Variants in THSD4 observed in about 807,000 individuals in gnomAD.
THSD4 encodes the protein thrombospondin type-1 domain-containing protein 4.
A neutral mutation model predicts 119.0 loss-of-function variants in THSD4; 69 were observed. That is an observed-to-expected ratio of 0.58 (90% CI 0.48 to 0.71). The LOEUF (loss-of-function observed/expected upper bound fraction) is 0.71, where lower values mean the gene tolerates loss of function less well. Ranked by LOEUF, THSD4 falls within the 30% of genes least tolerant of loss-of-function variation. THSD4 has a pLI of 0.00. For synonymous variants in THSD4, 524 were observed against 540.4 expected (o/e 0.97, Z 0.42); for missense variants, 1,393 against 1,391.1 (o/e 1.00, Z -0.02).
Position 71,671,740 on chromosome 15 carries a change from A to G in THSD4, c.1357+11006A>G, listed in dbSNP as rs912713217. ...TCCCAGCACCATTTATTAAATAGGGAATCCTTTCCCCACTTCTTGTTTTTG... is the reference window on the plus strand; with the variant it reads ...TCCCAGCACCATTTATTAAATAGGGGATCCTTTCCCCACTTCTTGTTTTTG... On this transcript the variant is annotated intron_variant, in intron 8 of 17. Coordinates refer to ENST00000261862, the MANE Select transcript of THSD4 (RefSeq NM_024817.3). 3.7e-4 allele frequency among the ~76,000 whole-genome samples: 56 copies of G among 152,334 alleles called. 1 individual carries two copies. Among genetic ancestry groups the G allele is most frequent in the Non-Finnish European group, 4.4e-5 (3 of 68,030 alleles).
intron 7 of THSD4, among the ~76,000 whole-genome samples, chr15:71,440,135 G>T (rs1211558040): frequency 6.6e-6 from 1 of 152,106 alleles, no homozygotes; most frequent in East Asian, 1.9e-4. Context: ...AAGGAAGGGA[G>T]ATCAGTGACA....
At chr15:71,730,966 C>A (rs1463256800) in intron 9 of THSD4, 155 bp from the exon 10 acceptor site, 3 of 642,538 alleles carry the variant, frequency 4.7e-6, no homozygotes, top group Non-Finnish European at 8.3e-6. Context: ...CCAGGAATAA[C>A]TTTGTTTAAT....
At chr15:71,491,811 G>A (rs1442179638) in intron 7 of THSD4, among the ~76,000 whole-genome samples, 1 of 152,190 alleles carries the variant, frequency 6.6e-6, no homozygotes, top group Non-Finnish European at 1.5e-5. Flanking sequence ...TGAGACTTCA[G>A]TGAGCTGTGA....
intron 7 of THSD4, among the ~76,000 whole-genome samples, chr15:71,618,983 C>CT (rs11439640): frequency 0.019 from 2,690 of 144,810 alleles, 81 homozygotes; most frequent in African/African-American, 0.063. Flanking sequence ...TTTTTTTTTT[C>CT]TTTTTTTTTG....
intron 3 of THSD4, among the ~76,000 whole-genome samples, chr15:71,210,447 C>G (rs1300711684): frequency 6.6e-6 from 1 of 152,144 alleles, no homozygotes; most frequent in East Asian, 1.9e-4. Context: ...CCCAGGGCAA[C>G]TGGCTAGTAT....
At chr15:71,313,703 A>G (rs2045144321) in intron 6 of THSD4, among the ~76,000 whole-genome samples, 1 of 152,084 alleles carries the variant, frequency 6.6e-6, no homozygotes, top group Non-Finnish European at 1.5e-5. Context: ...GAAGCATGTC[A>G]TTTTTTACTT....
chr15:71,455,573 C>G (rs2047327457), intron 7 of THSD4, among the ~76,000 whole-genome samples: 4 of 152,146 alleles, frequency 2.6e-5, no homozygotes, highest in Admixed American at 2.6e-4. Flanking sequence ...CCATCCCCAG[C>G]ATTAGGGATT....
intron 7 of THSD4, among the ~76,000 whole-genome samples, chr15:71,413,295 G>A (rs1436742616): frequency 2.0e-5 from 3 of 152,226 alleles, no homozygotes; most frequent in African/African-American, 7.2e-5. Context: ...TTACAGGCGT[G>A]AGCCACCGCA....
chr15:71,663,186 G>A (rs536840870), intron 8 of THSD4, among the ~76,000 whole-genome samples: 1 of 152,224 alleles, frequency 6.6e-6, no homozygotes, highest in African/African-American at 2.4e-5. Context: ...CAAGAGGTCA[G>A]GGCTGCAGTG....
At chr15:71,566,551 T>C (rs1051067837) in intron 7 of THSD4, among the ~76,000 whole-genome samples, 1 of 152,186 alleles carries the variant, frequency 6.6e-6, no homozygotes, top group Non-Finnish European at 1.5e-5. Flanking sequence ...TGTTGAGTGA[T>C]ACCGTGCTGC....
At chr15:71,506,205 GAT>G in intron 7 of THSD4, among the ~76,000 whole-genome samples, 1 of 152,250 alleles carries the variant, frequency 6.6e-6, no homozygotes, top group South Asian at 2.1e-4. Context: ...TGCTGATCTA[GAT>G]CTTAGGAATC....
chr15:71,442,568 C>CAAAAAAAAAA lies in THSD4; in HGVS notation c.1152+30748_1152+30757dup, dbSNP rs71154770. ...TGGGCAACAGAGCAAAACTCCATCT[C>CAAAAAAAAAA]AAAAAAAAAAAATATATATATATAT... On this transcript the variant is annotated intron_variant, in intron 7 of 17. Coordinates refer to ENST00000261862, the MANE Select transcript of THSD4 (RefSeq NM_024817.3). 5.1e-4 allele frequency among the ~76,000 whole-genome samples: 17 copies of CAAAAAAAAAA among 33,462 alleles called. 1 individual carries two copies. Among genetic ancestry groups the CAAAAAAAAAA allele is most frequent in the Middle Eastern group, 0.022 (1 of 46 alleles). The allele number at this position is 33,462 out of a possible 152,430, so 22.0% of individuals were successfully genotyped here. A position where few individuals can be genotyped will look rare whatever the true frequency, so the allele number is the denominator to read the frequency against.
At chr15:71,412,773 A>G (rs908126474) in intron 7 of THSD4, among the ~76,000 whole-genome samples, 6 of 152,196 alleles carry the variant, frequency 3.9e-5, no homozygotes, top group Non-Finnish European at 5.9e-5. Context: ...GAGGTTTCAG[A>G]TAGGATGCAA....
At chr15:71,376,112 A>T (rs1336683773) in intron 6 of THSD4, among the ~76,000 whole-genome samples, 1 of 152,198 alleles carries the variant, frequency 6.6e-6, no homozygotes, top group African/African-American at 2.4e-5. Context: ...GACTGTGCCC[A>T]AGGTGAAAGA....
intron 7 of THSD4, among the ~76,000 whole-genome samples, chr15:71,434,390 T>C (rs779475937): frequency 5.4e-5 from 8 of 149,108 alleles, no homozygotes; most frequent in South Asian, 2.1e-4. Context: ...TGGAGTGTTA[T>C]GAGGAAGACA....
rs2043918914 is a variant in THSD4, at chr15:71,215,016, C to T, written c.100-19C>T. On this transcript the variant is annotated intron_variant, in intron 3 of 17. Coordinates refer to ENST00000261862, the MANE Select transcript of THSD4 (RefSeq NM_024817.3). ...GAGGAGCGGTGTTCTGGTCCCCTAA[C>T]CTGCCTCTGTCTCCGCAGGTCCCGC... 1 of 1,252,068 alleles carries T rather than the reference C, an allele frequency of 8.0e-7. No individual in the cohort carries two copies. Among genetic ancestry groups the T allele is most frequent in the Non-Finnish European group, 1.0e-6 (1 of 991,542 alleles). The allele number at this position is 1,252,068 out of a possible 1,614,324, so 77.6% of individuals were successfully genotyped here. A position where few individuals can be genotyped will look rare whatever the true frequency, so the allele number is the denominator to read the frequency against.
intron 7 of THSD4, among the ~76,000 whole-genome samples, chr15:71,558,353 T>A (rs12050727): frequency 0.35 from 52,723 of 152,150 alleles, 10,578 homozygotes; most frequent in South Asian, 0.48. Flanking sequence ...TGTGTGTATG[T>A]TCAGCTCATT....
At chr15:71,577,349 T>A (rs1024760424) in intron 7 of THSD4, among the ~76,000 whole-genome samples, 1 of 152,200 alleles carries the variant, frequency 6.6e-6, no homozygotes, top group Admixed American at 6.5e-5. Flanking sequence ...TGCAAAGAGA[T>A]GGCCAGAAGA....
chr15:71,540,962 A>T (rs2048752133), intron 7 of THSD4, among the ~76,000 whole-genome samples: 1 of 152,064 alleles, frequency 6.6e-6, no homozygotes, highest in Non-Finnish European at 1.5e-5. Context: ...ACCTCAAGTG[A>T]TCCACCCACC....
Sources: allele counts gnomAD v4.1 joint callset (sites outside exome capture counted in the v4.1 genomes callset), GRCh38; gene constraint gnomAD v4.1.1; transcripts MANE v1.5; gene names NCBI Gene and HGNC (gene_info 2026-07-23, HGNC 2026-07-21).